Variants in ABLIM1 observed in about 807,000 individuals in gnomAD.
The protein encoded by ABLIM1 is actin binding LIM protein 1, also known as actin-binding LIM protein 1.
Under a neutral mutation model 107.0 loss-of-function variants are expected in ABLIM1, and 40 were observed. That is an observed-to-expected ratio of 0.37 (90% CI 0.29 to 0.49). The LOEUF is 0.49. ABLIM1 is among the 20% of genes least tolerant of loss of function. The probability of loss-of-function intolerance (pLI) is 0.97; values close to 1 mark genes in which losing one functional copy is unlikely to be tolerated. For synonymous variants in ABLIM1, 357 were observed against 357.3 expected, an observed-to-expected ratio of 1.00 and a Z score of 0.01; for missense variants, 857 against 1,008.5, an observed-to-expected ratio of 0.85 and a Z score of 2.04.
intron 4 of ABLIM1, among the ~76,000 whole-genome samples, chr10:114,562,386 G>A (rs1018800600): frequency 2.0e-4 from 31 of 152,182 alleles, no homozygotes; most frequent in African/African-American, 6.3e-4. Flanking sequence ...AAAATTAGCC[G>A]GGCGTGGTGG....
At chr10:114,588,817 TC>T (rs1591430621) in intron 2 of ABLIM1, among the ~76,000 whole-genome samples, 1 of 152,126 alleles carries the variant, frequency 6.6e-6, no homozygotes, top group Non-Finnish European at 1.5e-5. Flanking sequence ...AAATACTCTT[TC>T]TTTTGTCCTT....
intron 6 of ABLIM1, among the ~76,000 whole-genome samples, chr10:114,496,815 C>T (rs2059727084): frequency 6.6e-6 from 1 of 152,146 alleles, no homozygotes; most frequent in Non-Finnish European, 1.5e-5. Flanking sequence ...ATTGAGGAGT[C>T]GTTCTGTTTT....
chr10:114,751,176 G>A (rs1413817477), intron 1 of ABLIM1, among the ~76,000 whole-genome samples: 3 of 152,066 alleles, frequency 2.0e-5, no homozygotes, highest in Non-Finnish European at 2.9e-5. Context: ...ACATTGGGGA[G>A]TTGTTTGTAC....
At chr10:114,443,581 G>A (rs1215522365) in intron 17 of ABLIM1, among the ~76,000 whole-genome samples, 1 of 151,108 alleles carries the variant, frequency 6.6e-6, no homozygotes, top group Non-Finnish European at 1.5e-5. Context: ...CCAAAGTGCT[G>A]GGATTACAGG....
chr10:114,470,316 G>A (rs180863046), intron 10 of ABLIM1, among the ~76,000 whole-genome samples: 1 of 150,538 alleles, frequency 6.6e-6, no homozygotes, highest in Non-Finnish European at 1.5e-5. Flanking sequence ...TCAGCTACTT[G>A]GGAAGCTGAG....
At chr10:114,439,913 C>T in intron 20 of ABLIM1, 169 bp downstream of exon 20, 1 of 1,186,556 alleles carries the variant, frequency 8.4e-7, no homozygotes, top group Non-Finnish European at 1.2e-6. Flanking sequence ...ACAGCTTGAC[C>T]CAGGCACCAG....
intron 1 of ABLIM1, among the ~76,000 whole-genome samples, chr10:114,741,692 CA>C (rs1428899946): frequency 1.3e-5 from 2 of 152,154 alleles, no homozygotes; most frequent in Non-Finnish European, 2.9e-5. Flanking sequence ...TACCCCTCCT[CA>C]AAATAATCAA....
At chr10:114,601,739 C>T (rs2076023475) in intron 2 of ABLIM1, 88 bp downstream of exon 2, 1 of 1,587,512 alleles carries the variant, frequency 6.3e-7, no homozygotes, top group South Asian at 1.1e-5. Flanking sequence ...CATCCAGTGA[C>T]CGGATGTGGA....
At chr10:114,553,122 G>A (rs1371566322) in intron 4 of ABLIM1, among the ~76,000 whole-genome samples, 1 of 152,114 alleles carries the variant, frequency 6.6e-6, no homozygotes, top group Non-Finnish European at 1.5e-5. Flanking sequence ...GATGAATAAG[G>A]GCCCCAAAGA....
chr10:114,500,803 C>T (rs543282192), intron 6 of ABLIM1, among the ~76,000 whole-genome samples: 10 of 119,028 alleles, frequency 8.4e-5, no homozygotes, highest in Admixed American at 2.5e-4. Context: ...GAGCCTACTA[C>T]GTAGGATTGT....
intron 6 of ABLIM1, among the ~76,000 whole-genome samples, chr10:114,514,860 AAG>A (rs760951744): frequency 2.6e-4 from 39 of 152,318 alleles, no homozygotes; most frequent in Admixed American, 1.0e-3. Context: ...AAAACTAAAA[AAG>A]AGAGGAAAAG....
intron 1 of ABLIM1, among the ~76,000 whole-genome samples, chr10:114,720,119 C>T (rs1295915943): frequency 2.6e-5 from 4 of 152,076 alleles, no homozygotes; most frequent in Admixed American, 6.6e-5. Flanking sequence ...TGAAAACATG[C>T]GGTATTTGGT....
chr10:114,477,263 T>C (rs928733501), intron 8 of ABLIM1, among the ~76,000 whole-genome samples: 1 of 152,332 alleles, frequency 6.6e-6, no homozygotes, highest in South Asian at 2.1e-4. Context: ...CAGAAAAGAA[T>C]GCTTGCTAAC....
chr10:114,547,469 T>C (rs1374480345), intron 5 of ABLIM1, 181 bp downstream of exon 5: 2 of 756,374 alleles, frequency 2.6e-6, no homozygotes, highest in Non-Finnish European at 4.1e-6. Flanking sequence ...AGGTTTATAG[T>C]AGCCAAGGCA....
chr10:114,485,046 C>T (rs916123376), intron 8 of ABLIM1, among the ~76,000 whole-genome samples: 1 of 152,248 alleles, frequency 6.6e-6, no homozygotes, highest in African/African-American at 2.4e-5. Flanking sequence ...CGTGGCAACA[C>T]GGGACCAAAA....
intron 1 of ABLIM1, among the ~76,000 whole-genome samples, chr10:114,672,802 A>G (rs1378337379): frequency 1.3e-5 from 2 of 152,178 alleles, no homozygotes; most frequent in Non-Finnish European, 2.9e-5. Context: ...TAAGATAGTG[A>G]TCAAGGTTCA....
At chr10:114,473,258 C>T in intron 9 of ABLIM1, 126 bp from the exon 10 acceptor site, 2 of 887,784 alleles carry the variant, frequency 2.3e-6, no homozygotes, top group Non-Finnish European at 3.4e-6. Context: ...AAACATCTTG[C>T]CTAACACAGT....
rs150480827 is a variant in ABLIM1 at position 114,521,623 on chromosome 10, G to A, written c.894+23382C>T. On this transcript the variant is annotated intron_variant, in intron 6 of 22. Coordinates refer to ENST00000533213, the MANE Select transcript of ABLIM1 (RefSeq NM_002313.7). Reference sequence around the variant, plus strand: ...GAGAGAAGCTCTTAGACTTAAAAGAGAGTAGAAATTTACTCGGTAGTCAAC... The same window carrying A: ...GAGAGAAGCTCTTAGACTTAAAAGAAAGTAGAAATTTACTCGGTAGTCAAC... Among the ~76,000 whole-genome samples, 124 of 152,208 alleles carry A rather than the reference G, an allele frequency of 8.1e-4. 1 individual carries two copies. The highest frequency in any genetic ancestry group is 2.8e-3 in the African/African-American group (117 of 41,510).
chr10:114,656,082 C>T (rs1451805855), intron 1 of ABLIM1, among the ~76,000 whole-genome samples: 2 of 151,990 alleles, frequency 1.3e-5, no homozygotes, highest in East Asian at 1.9e-4. Context: ...ACCAGCCTGG[C>T]CAACATGGTG....
Sources: allele counts gnomAD v4.1 joint callset (sites outside exome capture counted in the v4.1 genomes callset), GRCh38; gene constraint gnomAD v4.1.1; transcripts MANE v1.5; gene names NCBI Gene and HGNC (gene_info 2026-07-23, HGNC 2026-07-21).